The following RAD50 variants were observed in gnomAD, a reference collection of about 807,000 sequenced individuals.
The protein encoded by RAD50 is RAD50 double strand break repair protein, also known as DNA repair protein RAD50.
A neutral mutation model predicts 168.8 loss-of-function variants in RAD50; 132 were observed. The observed-to-expected ratio is 0.78, with a 90% CI of 0.68 to 0.90. The LOEUF is 0.90. Among genes scored for constraint, RAD50 ranks in the 40% least tolerant of loss-of-function variants. The pLI is 0.00. For synonymous variants in RAD50, 525 were observed against 497.4 expected (o/e 1.06, Z -0.74); for missense variants, 1,347 against 1,534.4 (o/e 0.88, Z 2.04).
chr5:132,557,575 T>C, intron 1 of RAD50, 122 bp downstream of exon 1: 3 of 1,417,374 alleles, frequency 2.1e-6, no homozygotes. Context: ...TGTAGGCCCT[T>C]AAAGTGCCTT....
intron 21 of RAD50, among the ~76,000 whole-genome samples, chr5:132,624,036 T>A (rs922436371): frequency 3.3e-5 from 5 of 152,372 alleles, no homozygotes; most frequent in East Asian, 3.9e-4. Context: ...TGTTATTTTT[T>A]AAAAATAAAT....
chr5:132,612,839 A>T (rs1282324925), intron 19 of RAD50, among the ~76,000 whole-genome samples: 5 of 152,008 alleles, frequency 3.3e-5, no homozygotes, highest in Non-Finnish European at 7.4e-5. Context: ...AAAAATATAT[A>T]TATATATATG....
chr5:132,558,857 T>C (rs987580599), intron 1 of RAD50, among the ~76,000 whole-genome samples: 1 of 151,992 alleles, frequency 6.6e-6, no homozygotes, highest in Non-Finnish European at 1.5e-5. Flanking sequence ...CAGTAAGCCA[T>C]GATCATGCAG....
intron 3 of RAD50, among the ~76,000 whole-genome samples, chr5:132,577,802 ATTTTTTT>A (rs923754085): frequency 2.3e-3 from 191 of 84,388 alleles, no homozygotes; most frequent in African/African-American, 9.8e-3. Context: ...CCCATTTCTG[ATTTTTTT>A]TTTTTTTTTT....
At position 132,579,323 on chromosome 5, in the gene RAD50, T is replaced by G; in HGVS notation, c.372T>G (p.Gly124=). 1.2e-6 allele frequency: 2 copies of G among 1,613,814 alleles called. No individual in the cohort carries two copies. The highest frequency in any genetic ancestry group is 1.7e-6 in the Non-Finnish European group (2 of 1,179,770). Residue 124 remains glycine (G), a synonymous_variant, in exon 4 of 25, where the codon GGT becomes GGG. Coordinates refer to ENST00000378823, the MANE Select transcript of RAD50 (RefSeq NM_005732.4). ...TGATTTTCATTTTCTGTAGGCATGGTGAAAAGGTCAGTCTGAGCTCTAAGT... is the reference window on the plus strand; with the variant it reads ...TGATTTTCATTTTCTGTAGGCATGGGGAAAAGGTCAGTCTGAGCTCTAAGT... ...LEGVITRTKH[G]EKVSLSSKCA...
chr5:132,639,129 G>A (rs1471902720), intron 23 of RAD50, among the ~76,000 whole-genome samples: 3 of 151,802 alleles, frequency 2.0e-5, no homozygotes, highest in East Asian at 3.9e-4. Context: ...GGCCGAGGCG[G>A]GCAGATCACC....
At chr5:132,570,210 C>G (rs1031685376) in intron 2 of RAD50, among the ~76,000 whole-genome samples, 1 of 151,978 alleles carries the variant, frequency 6.6e-6, no homozygotes, top group African/African-American at 2.4e-5. Flanking sequence ...GCTGTGACAG[C>G]CTGGTGGGGG....
At chr5:132,629,413 A>T (rs935202631) in intron 21 of RAD50, among the ~76,000 whole-genome samples, 12 of 152,272 alleles carry the variant, frequency 7.9e-5, no homozygotes, top group African/African-American at 2.9e-4. Flanking sequence ...GAGCAGAATG[A>T]GGACCTATGA....
At chr5:132,608,464 G>A in intron 16 of RAD50, 151 bp from the exon 17 acceptor site, 2 of 596,292 alleles carry the variant, frequency 3.4e-6, no homozygotes, top group Non-Finnish European at 5.8e-6. Flanking sequence ...GAAAATGATG[G>A]TACTGTCCTC....
At position 132,636,209 on chromosome 5, in the gene RAD50, C is replaced by T. The variant is rs142017033; in HGVS notation, c.3390-906C>T. On this transcript the variant is annotated intron_variant, in intron 21 of 24. Coordinates refer to ENST00000378823, the MANE Select transcript of RAD50 (RefSeq NM_005732.4). ...GTGCAACATTTATTAGTTCATAAAC[C>T]CGCTTCCAAAGAACCTAAGGGCTTT... Among the ~76,000 whole-genome samples the T allele has an allele frequency of 1.6e-3, 249 of 152,248 alleles. 2 individuals carry two copies. The highest frequency in any genetic ancestry group is 5.8e-3 in the African/African-American group (242 of 41,546).
intron 21 of RAD50, among the ~76,000 whole-genome samples, chr5:132,633,768 G>T (rs1197430567): frequency 7.9e-5 from 12 of 151,960 alleles, no homozygotes; most frequent in Non-Finnish European, 1.0e-4. Context: ...GTAGAGATGG[G>T]ATCTCACTAT....
intron 21 of RAD50, among the ~76,000 whole-genome samples, chr5:132,623,058 T>C (rs1009325363): frequency 6.6e-6 from 1 of 152,250 alleles, no homozygotes; most frequent in Non-Finnish European, 1.5e-5. Flanking sequence ...ATTGATGTTA[T>C]AGCTCTTGAA....
chr5:132,606,102 C>G (rs2522392), intron 16 of RAD50, among the ~76,000 whole-genome samples: 84 of 151,692 alleles, frequency 5.5e-4, no homozygotes, highest in Non-Finnish European at 7.4e-4. Flanking sequence ...ATTCAAAAGC[C>G]AGCAGAAGAC....
intron 13 of RAD50, among the ~76,000 whole-genome samples, chr5:132,599,867 G>A (rs1235715804): frequency 6.6e-6 from 1 of 152,052 alleles, no homozygotes; most frequent in East Asian, 1.9e-4. Context: ...TAAAGTGAGG[G>A]GATTGATTTA....
At chr5:132,632,219 G>A (rs1427881832) in intron 21 of RAD50, among the ~76,000 whole-genome samples, 1 of 151,984 alleles carries the variant, frequency 6.6e-6, no homozygotes, top group African/African-American at 2.4e-5. Context: ...ATAATATTTT[G>A]TACCACTTAT....
Position 132,579,322 on chromosome 5 carries a change from G to A in RAD50, c.371G>A (p.Gly124Asp), listed in dbSNP as rs878854801. The A allele has an allele frequency of 1.2e-6, 2 of 1,613,614 alleles. No individual in the cohort carries two copies. Among genetic ancestry groups the A allele is most frequent in the Non-Finnish European group, 1.7e-6 (2 of 1,179,730 alleles). ...LEGVITRTKHGEKVSLSSKCA... is the reference protein window; with the variant it reads ...LEGVITRTKHDEKVSLSSKCA... ...TTGATTTTCATTTTCTGTAGGCATG[G>A]TGAAAAGGTCAGTCTGAGCTCTAAG... is the stretch of plus-strand genomic sequence containing the variant. Residue 124 changes from glycine to aspartate, a missense_variant, in exon 4 of 25, where the codon GGT (glycine) becomes GAT (aspartate). Transcript: ENST00000378823.
rs876659690 is a variant in RAD50, at chr5:132,604,942, G to A, written c.2661G>A (p.Leu887=). ...CTAATTTGCAACGTCGTCAGCAACT[G>A]GAGGAGCAGACTGTGGAATTATCCA... The part of the protein sequence containing the change: ...ISTNLQRRQQ[L]EEQTVELSTE... Residue 887 remains leucine (L), a synonymous_variant, in exon 16 of 25, where the codon CTG becomes CTA. Coordinates refer to ENST00000378823, the MANE Select transcript of RAD50 (RefSeq NM_005732.4). The A allele has an allele frequency of 3.1e-6, 5 of 1,614,004 alleles. No homozygotes were observed. The highest frequency in any genetic ancestry group is 3.3e-5 in the Admixed American group (2 of 60,016).
At chr5:132,586,577 A>G (rs1006721372) in intron 5 of RAD50, among the ~76,000 whole-genome samples, 2 of 152,240 alleles carry the variant, frequency 1.3e-5, no homozygotes, top group East Asian at 3.8e-4. Flanking sequence ...TTACGTTCAT[A>G]TACAAATCAC....
intron 13 of RAD50, among the ~76,000 whole-genome samples, chr5:132,598,952 T>C (rs1255698297): frequency 6.6e-6 from 1 of 152,230 alleles, no homozygotes; most frequent in African/African-American, 2.4e-5. Context: ...TACTTGTGGC[T>C]GACTTGAATC....
Sources: gnomAD v4.1 joint callset for allele counts (sites outside exome capture counted in the v4.1 genomes callset) on GRCh38, gnomAD v4.1.1 for gene constraint, MANE v1.5 for transcripts, NCBI Gene and HGNC (gene_info 2026-07-23, HGNC 2026-07-21) for gene names.